The following MAF variants were observed in gnomAD, a reference collection of about 807,000 sequenced individuals.
MAF encodes the protein MAF bZIP transcription factor.
A neutral mutation model predicts 22.0 loss-of-function variants in MAF; 10 were observed. The ratio of observed to expected loss-of-function variants is 0.45; its 90% confidence interval spans 0.28 to 0.77. The LOEUF is 0.77. Among genes scored for constraint, MAF ranks in the 30% least tolerant of loss-of-function variants. The probability of loss-of-function intolerance (pLI) is 0.12; values close to 1 mark genes in which losing one functional copy is unlikely to be tolerated. For synonymous variants in MAF, 337 were observed against 255.8 expected (o/e 1.32, Z -3.03); for missense variants, 544 against 548.4 (o/e 0.99, Z 0.08).
chr16:79,234,858 T>G, the MAF span, among the ~76,000 whole-genome samples: 10 of 152,072 alleles, frequency 6.6e-5, no homozygotes, highest in African/African-American at 2.4e-4. Flanking sequence ...TACTTTGCAG[T>G]GGGATAGGAG....
chr16:79,578,075 A>G, the MAF span, among the ~76,000 whole-genome samples: 2 of 152,184 alleles, frequency 1.3e-5, no homozygotes, highest in East Asian at 1.9e-4. Flanking sequence ...ATAGCAAATA[A>G]CAAGCAGAAT....
At chr16:79,368,997 G>C in the MAF span, among the ~76,000 whole-genome samples, 2 of 152,324 alleles carry the variant, frequency 1.3e-5, no homozygotes, top group Non-Finnish European at 2.9e-5. Context: ...GGCTCCGTGA[G>C]GGCAAGGATG....
chr16:79,527,661 C>T, the MAF span, among the ~76,000 whole-genome samples: 1 of 152,100 alleles, frequency 6.6e-6, no homozygotes, highest in East Asian at 1.9e-4. Context: ...CATCACCTTA[C>T]AATCATAAAA....
chr16:79,374,442 T>G, the MAF span, among the ~76,000 whole-genome samples: 2 of 152,210 alleles, frequency 1.3e-5, no homozygotes, highest in Non-Finnish European at 2.9e-5. Flanking sequence ...CCCCTACATT[T>G]CTCTCCTGAA....
the MAF span, among the ~76,000 whole-genome samples, chr16:79,409,706 T>A: frequency 1.3e-5 from 2 of 152,054 alleles, no homozygotes; most frequent in African/African-American, 4.8e-5. Flanking sequence ...GCAGCAAAAC[T>A]TGGGGAGGAG....
At chr16:79,274,098 G>A in the MAF span, among the ~76,000 whole-genome samples, 29 of 152,054 alleles carry the variant, frequency 1.9e-4, 1 homozygote, top group Middle Eastern at 6.8e-3. Context: ...TGGATTACAG[G>A]TATGCGCCAC....
chr16:79,411,500 T>C, the MAF span, among the ~76,000 whole-genome samples: 1 of 152,188 alleles, frequency 6.6e-6, no homozygotes, highest in Non-Finnish European at 1.5e-5. Context: ...CTGGAAATGT[T>C]TGCAGGGCAG....
the MAF span, among the ~76,000 whole-genome samples, chr16:79,566,460 G>C: frequency 6.6e-6 from 1 of 152,206 alleles, no homozygotes; most frequent in African/African-American, 2.4e-5. Context: ...CGGAGTGATG[G>C]TGCTTCTGGG....
At chr16:79,301,557 GTTA>G in the MAF span, among the ~76,000 whole-genome samples, 1 of 151,998 alleles carries the variant, frequency 6.6e-6, no homozygotes, top group Non-Finnish European at 1.5e-5. Flanking sequence ...CATTTACATA[GTTA>G]TTATGCATAT....
the MAF span, among the ~76,000 whole-genome samples, chr16:79,310,441 C>T: frequency 2.0e-5 from 3 of 152,242 alleles, no homozygotes; most frequent in African/African-American, 7.2e-5. Context: ...TTTGTAAATA[C>T]GCTCAAGAAC....
At chr16:79,372,022 G>C in the MAF span, among the ~76,000 whole-genome samples, 14 of 143,830 alleles carry the variant, frequency 9.7e-5, no homozygotes, top group Non-Finnish European at 1.9e-4. Context: ...TGGAATCACT[G>C]GACATGGTAA....
At chr16:79,234,548 G>A in the MAF span, among the ~76,000 whole-genome samples, 1 of 152,144 alleles carries the variant, frequency 6.6e-6, no homozygotes, top group South Asian at 2.1e-4. Context: ...ATCTGAGTTA[G>A]ATTCATCTAT....
chr16:79,560,753 C>T, the MAF span, among the ~76,000 whole-genome samples: 52 of 152,324 alleles, frequency 3.4e-4, no homozygotes, highest in East Asian at 8.5e-3. Context: ...AGAGAGGCCA[C>T]TGCCTATTCT....
intron 1 of MAF, among the ~76,000 whole-genome samples, chr16:79,588,756 C>G (rs1349995313): frequency 6.6e-6 from 1 of 152,036 alleles, no homozygotes; most frequent in Non-Finnish European, 1.5e-5. Context: ...GCCACCACAC[C>G]GGGCCAGATT....
chr16:79,501,335 T>C, the MAF span, among the ~76,000 whole-genome samples: 1 of 152,190 alleles, frequency 6.6e-6, no homozygotes, highest in African/African-American at 2.4e-5. Context: ...TCCTCCCTAA[T>C]CCAGTATAAC....
At chr16:79,584,197 T>C (rs1259210121), downstream of MAF, among the ~76,000 whole-genome samples, 2 of 152,166 alleles carry the variant, frequency 1.3e-5, no homozygotes, top group African/African-American at 2.4e-5. Context: ...AAATAAGCCA[T>C]GAAGCTGTAC....
At chr16:79,249,418 CAAAA>C in the MAF span, among the ~76,000 whole-genome samples, 419 of 102,450 alleles carry the variant, frequency 4.1e-3, 4 homozygotes, top group Non-Finnish European at 6.4e-3. Flanking sequence ...AACTCCGTTT[CAAAA>C]AAAAAAAAAA....
the MAF span, among the ~76,000 whole-genome samples, chr16:79,349,382 A>G: frequency 2.0e-5 from 3 of 152,214 alleles, no homozygotes; most frequent in Non-Finnish European, 2.9e-5. Context: ...GAGGACCCCA[A>G]GTGTTTTCTA....
chr16:79,267,765 G>A, the MAF span, among the ~76,000 whole-genome samples: 1 of 152,194 alleles, frequency 6.6e-6, no homozygotes, highest in Non-Finnish European at 1.5e-5. Context: ...CACAAAGAGT[G>A]CAGCGTACAT....
Sources: allele counts gnomAD v4.1 joint callset (sites outside exome capture counted in the v4.1 genomes callset), GRCh38; gene constraint gnomAD v4.1.1; transcripts MANE v1.5; gene names NCBI Gene and HGNC (gene_info 2026-07-23, HGNC 2026-07-21).